Variants in CLASRP observed in about 807,000 individuals in gnomAD.
The protein encoded by CLASRP is CLK4 associating serine/arginine rich protein, also known as CLK4-associating serine/arginine rich protein.
Under a neutral mutation model 99.9 loss-of-function variants are expected in CLASRP, and 52 were observed. The ratio of observed to expected loss-of-function variants is 0.52; its 90% CI spans 0.42 to 0.66. The LOEUF (loss-of-function observed/expected upper bound fraction) is 0.66, where lower values mean the gene tolerates loss of function less well. Among genes scored for constraint, CLASRP ranks in the 30% least tolerant of loss-of-function variants. CLASRP has a pLI of 0.00. For missense variants in CLASRP, 848 were observed against 999.2 expected (o/e 0.85, Z 2.04); for synonymous variants, 379 against 373.0 (o/e 1.02, Z -0.18).
Position 45,067,634 on chromosome 19 carries a change from C to G in CLASRP, c.1667+40C>G. 6.5e-7 allele frequency: 1 copy of G among 1,532,354 alleles called. No individual in the cohort carries two copies. Among genetic ancestry groups the G allele is most frequent in the Non-Finnish European group, 8.8e-7 (1 of 1,131,058 alleles). 94.9% of individuals were successfully genotyped at this position (1,532,354 alleles called of 1,614,324 possible). A position where few individuals can be genotyped will look rare whatever the true frequency, so the allele number is the denominator to read the frequency against. ...TCTGGAGGAAGAGGGCTGCCAATCTCGGGTGGGGAGGGTGAACATCACTGT... is the reference window on the plus strand; with the variant it reads ...TCTGGAGGAAGAGGGCTGCCAATCTGGGGTGGGGAGGGTGAACATCACTGT... On this transcript the variant is annotated intron_variant, in intron 14 of 20. Transcript: ENST00000221455. This position sits in a 1 kb window ranked among gnomAD's most constrained non-coding sequence, Gnocchi z 4.9.
chr19:45,052,639 A>C (rs1175291567), intron 3 of CLASRP, 152 bp from the exon 4 acceptor site: 1 of 616,308 alleles, frequency 1.6e-6, no homozygotes, highest in African/African-American at 1.9e-5. Context: ...GAAGGGACTG[A>C]GAGCTGGGGG....
chr19:45,052,955 C>T (rs533107533), intron 4 of CLASRP, 63 bp downstream of exon 4: 24 of 1,538,054 alleles, frequency 1.6e-5, no homozygotes, highest in Admixed American at 1.4e-4. Flanking sequence ...TGTTCTTTTC[C>T]CAGCCTACCT....
At position 45,067,413 on chromosome 19, in the gene CLASRP, A is replaced by G; in HGVS notation, c.1486A>G (p.Ser496Gly). Residue 496 changes from serine to glycine, a missense_variant, in exon 14 of 21, where the codon AGC becomes GGC. Physicochemically the swap from Ser to Gly is moderately conservative, Grantham distance 56. Coordinates refer to ENST00000221455, the MANE Select transcript of CLASRP (RefSeq NM_007056.3). This position sits in a 1 kb window ranked among gnomAD's most constrained non-coding sequence, Gnocchi z 4.9. ...LRHHSSSRSR[S>G]SWSLSPSRSR... ...GCACCACAGCAGTAGCCGCAGCCGC[A>G]GCAGCTGGTCCCTCAGCCCGTCCCG... 6.5e-7 allele frequency: 1 copy of G among 1,534,140 alleles called. No homozygotes were observed. The highest frequency in any genetic ancestry group is 2.0e-4 in the Middle Eastern group (1 of 5,090).
intron 5 of CLASRP, among the ~76,000 whole-genome samples, chr19:45,055,672 A>G (rs1972107105): frequency 1.3e-5 from 2 of 152,116 alleles, no homozygotes; most frequent in African/African-American, 2.4e-5. Flanking sequence ...TGTCTGTACT[A>G]AAAGTACAAA....
intron 8 of CLASRP, among the ~76,000 whole-genome samples, chr19:45,059,998 G>A (rs1045984639): frequency 1.1e-4 from 16 of 152,246 alleles, no homozygotes; most frequent in Middle Eastern, 3.4e-3. Context: ...TGTTCGCTTT[G>A]GACGTCTGCA....
At chr19:45,061,848 A>G (rs979822376) in intron 10 of CLASRP, among the ~76,000 whole-genome samples, 1 of 151,744 alleles carries the variant, frequency 6.6e-6, no homozygotes, top group Non-Finnish European at 1.5e-5. Context: ...AGAGACAAGG[A>G]TTGGGAGGAG....
Position 45,060,417 on chromosome 19 carries a change from G to A in CLASRP, c.739G>A (p.Glu247Lys). ...RMLRKDKEEA[E>K]AIKHAKALEE... ...GCTCCGGAAAGACAAGGAGGAGGCA[G>A]AGGCCATCAAGCATGCCAAGGCTCT... Residue 247 changes from glutamate (E) to lysine (K), a missense_variant, in exon 9 of 21, where the codon GAG becomes AAG. Physicochemically the swap from Glu to Lys is moderately conservative, Grantham distance 56. Around this residue, in one of 8 missense-constraint regions of CLASRP, gnomAD observed 119 missense variants for 170.2 expected, o/e 0.70. Coordinates refer to ENST00000221455, the MANE Select transcript of CLASRP (RefSeq NM_007056.3). This position sits in a 1 kb window ranked among gnomAD's most constrained non-coding sequence, Gnocchi z 4.6. The A allele has an allele frequency of 6.2e-7, 1 of 1,614,166 alleles. No individual in the cohort carries two copies. Among genetic ancestry groups the A allele is most frequent in the Non-Finnish European group, 8.5e-7 (1 of 1,180,026 alleles).
chr19:45,069,332 G>A (rs796481192), intron 18 of CLASRP, 84 bp downstream of exon 18: 1 of 1,399,078 alleles, frequency 7.1e-7, no homozygotes, highest in African/African-American at 1.4e-5. Flanking sequence ...CTCAAGCCCT[G>A]CCCAGCTCCC....
chr19:45,068,466 C>T lies in CLASRP; in HGVS notation c.1754C>T (p.Ala585Val), dbSNP rs1174006158. 7 of 1,612,616 alleles carry T rather than the reference C, an allele frequency of 4.3e-6. No homozygotes were observed. The highest frequency in any genetic ancestry group is 5.9e-6 in the Non-Finnish European group (7 of 1,178,760). Reference sequence around the variant, plus strand: ...AAGCTGAAACTGAGGATGCAGAAGGCGCTGAACAGGCAGTGTATGTTCTGC... The same window carrying T: ...AAGCTGAAACTGAGGATGCAGAAGGTGCTGAACAGGCAGTGTATGTTCTGC... ...QEKLKLRMQK[A>V]LNRQFKADKK... The change falls in exon 16 of 21, where the codon GCG becomes GTG. Residue 585 changes from alanine to valine, a missense_variant. Physicochemically the swap from Ala to Val is moderately conservative, Grantham distance 64 (BLOSUM62 0). Around this residue, in one of 8 missense-constraint regions of CLASRP, gnomAD observed 116 missense variants for 162.7 expected, o/e 0.71. Coordinates refer to ENST00000221455, the MANE Select transcript of CLASRP (RefSeq NM_007056.3).
rs543304622 is a variant in CLASRP at position 45,069,312 on chromosome 19, G to A, written c.1874+64G>A. ...CTGGCCTGCCTGGCCTTCCCACCAT[G>A]GGCTGCTGGCTCAAGCCCTGCCCAG... On this transcript the variant is annotated intron_variant, in intron 18 of 20. Transcript: ENST00000221455. The A allele has an allele frequency of 7.6e-5, 118 of 1,547,734 alleles. No homozygotes were observed. In the African/African-American group the frequency reaches 1.4e-3, roughly 18 times the overall value.
At chr19:45,062,227 G>A (rs928333640) in intron 11 of CLASRP, 32 bp downstream of exon 11, 8 of 1,261,934 alleles carry the variant, frequency 6.3e-6, no homozygotes, top group Non-Finnish European at 9.3e-6. Context: ...GGGAATAGCA[G>A]ACAGGGAGCC....
At chr19:45,053,220 T>C in intron 5 of CLASRP, 43 bp downstream of exon 5, 2 of 1,597,434 alleles carry the variant, frequency 1.3e-6, no homozygotes, top group Non-Finnish European at 1.7e-6. Flanking sequence ...GGTTTGAGCC[T>C]GGAGCCTGGA....
At chr19:45,040,153 A>G in intron 1 of CLASRP, 31 bp from the exon 2 acceptor site, 1 of 1,315,640 alleles carries the variant, frequency 7.6e-7, no homozygotes, top group Non-Finnish European at 1.1e-6. Context: ...TTCACAGACC[A>G]TCTGACTTTC....
chr19:45,041,220 T>A (rs1600090655), intron 2 of CLASRP, among the ~76,000 whole-genome samples: 5 of 144,790 alleles, frequency 3.5e-5, no homozygotes, highest in African/African-American at 1.3e-4. Context: ...ACAGCGAGAC[T>A]CTGTCTCAAA....
At chr19:45,056,729 T>C (rs541716805) in intron 6 of CLASRP, among the ~76,000 whole-genome samples, 195 bp downstream of exon 6, 15 of 152,356 alleles carry the variant, frequency 9.8e-5, no homozygotes, top group African/African-American at 3.4e-4. Context: ...CCGAGGGCTC[T>C]GCGTTACATT....
chr19:45,068,608 C>T, intron 16 of CLASRP, 128 bp downstream of exon 16: 1 of 744,362 alleles, frequency 1.3e-6, no homozygotes. Context: ...CACGGAGGTG[C>T]TCTGGGGAGG....
At chr19:45,045,559 C>A (rs1971900694) in intron 2 of CLASRP, among the ~76,000 whole-genome samples, 1 of 152,158 alleles carries the variant, frequency 6.6e-6, no homozygotes, top group South Asian at 2.1e-4. Context: ...CATTTCCACT[C>A]CTCCCCTGCT....
Position 45,064,487 on chromosome 19 carries a change from G to C in CLASRP, c.1266G>C (p.Trp422Cys), listed in dbSNP as rs1015087218. 119 of 1,533,744 alleles carry C rather than the reference G, an allele frequency of 7.8e-5. No homozygotes were observed. The highest frequency in any genetic ancestry group is 9.9e-5 in the Non-Finnish European group (113 of 1,144,488). ...GRHARSRSRS[W>C]SRSRSRSRRY... is the part of the protein sequence containing the mutation. ...ACGCCCGCTCCCGGTCCCGCTCCTG[G>C]TCCCGCTCCCGCTCCCGCTCCCGGC... Residue 422 changes from tryptophan to cysteine, a missense_variant, in exon 13 of 21, where the codon TGG (tryptophan) becomes TGC (cysteine). Physicochemically the swap from Trp to Cys is radical, Grantham distance 215 (BLOSUM62 -2). Coordinates refer to ENST00000221455, the MANE Select transcript of CLASRP (RefSeq NM_007056.3).
chr19:45,070,741 G>A lies in CLASRP; in HGVS notation c.1983-62G>A, dbSNP rs986795659. Reference sequence around the variant, plus strand: ...GTGCCCCGATCACTGAAGCATCCACGGCCCCAGGTGTGTTGATGTGTGTAT... The same window carrying A: ...GTGCCCCGATCACTGAAGCATCCACAGCCCCAGGTGTGTTGATGTGTGTAT... On this transcript the variant is annotated intron_variant, in intron 20 of 20. Coordinates refer to ENST00000221455, the MANE Select transcript of CLASRP (RefSeq NM_007056.3). The A allele has an allele frequency of 2.2e-5, 31 of 1,435,342 alleles. No homozygotes were observed. In the Admixed American group the frequency reaches 4.0e-4, roughly 19 times the overall value. The allele number at this position is 1,435,342 out of a possible 1,614,324, so 88.9% of individuals were successfully genotyped here. A position where few individuals can be genotyped will look rare whatever the true frequency, so the allele number is the denominator to read the frequency against.
Sources: allele counts gnomAD v4.1 joint callset (sites outside exome capture counted in the v4.1 genomes callset), GRCh38; gene constraint gnomAD v4.1.1; regional missense constraint gnomAD v4.1.1; non-coding constraint Gnocchi (gnomAD v3.1); transcripts MANE v1.5; gene names NCBI Gene and HGNC (gene_info 2026-07-23, HGNC 2026-07-21).